Variants in RORA observed in about 807,000 individuals in gnomAD.
RORA encodes the protein RAR related orphan receptor A.
Under a neutral mutation model 69.5 loss-of-function variants are expected in RORA, and 7 were observed. The observed-to-expected ratio is 0.10, with a 90% CI of 0.06 to 0.19. RORA has a LOEUF of 0.19. Ranked by LOEUF, RORA falls within the 10% of genes least tolerant of loss-of-function variation. RORA has a pLI of 1.00. For synonymous variants in RORA, 261 were observed against 240.8 expected, an observed-to-expected ratio of 1.08 and a Z score of -0.78; for missense variants, 457 against 663.0, an observed-to-expected ratio of 0.69 and a Z score of 3.41.
chr15:60,926,438 T>A (rs780407299), intron 1 of RORA, among the ~76,000 whole-genome samples: 1 of 152,224 alleles, frequency 6.6e-6, no homozygotes, highest in Non-Finnish European at 1.5e-5. Context: ...ATTATAGAGT[T>A]ATCCCAGCCC....
chr15:60,969,990 A>C (rs906216271), intron 1 of RORA, among the ~76,000 whole-genome samples: 3 of 152,078 alleles, frequency 2.0e-5, no homozygotes, highest in Admixed American at 6.6e-5. Context: ...ATGTATGTGC[A>C]CTCTTGCACG....
At chr15:60,920,727 C>A (rs1892017083) in intron 1 of RORA, among the ~76,000 whole-genome samples, 1 of 152,214 alleles carries the variant, frequency 6.6e-6, no homozygotes, top group South Asian at 2.1e-4. Flanking sequence ...TCTTCAGGTA[C>A]ACCAAATGTG....
chr15:60,554,549 TAC>T (rs1038652742), intron 2 of RORA, among the ~76,000 whole-genome samples: 2 of 152,190 alleles, frequency 1.3e-5, no homozygotes, highest in African/African-American at 4.8e-5. Context: ...CTTATTTAAA[TAC>T]CAAAGCCAGC....
chr15:60,615,158 A>C, intron 2 of RORA: 1 of 1,147,718 alleles, frequency 8.7e-7, no homozygotes, highest in Non-Finnish European at 1.2e-6. Flanking sequence ...TCCTCATCTT[A>C]GTGCTAGTGC....
At chr15:61,146,594 A>AGC (rs1875092246) in intron 1 of RORA, among the ~76,000 whole-genome samples, 1 of 152,192 alleles carries the variant, frequency 6.6e-6, no homozygotes, top group South Asian at 2.1e-4. Flanking sequence ...TCACTAGATA[A>AGC]TGCACTCTGC....
chr15:61,164,609 C>T (rs2079525513), intron 1 of RORA, among the ~76,000 whole-genome samples: 1 of 152,106 alleles, frequency 6.6e-6, no homozygotes. Flanking sequence ...TGAACTTGCT[C>T]CAGCAAAGCC....
intron 2 of RORA, among the ~76,000 whole-genome samples, chr15:60,561,656 T>C (rs2075112187): frequency 6.6e-6 from 1 of 152,064 alleles, no homozygotes; most frequent in African/African-American, 2.4e-5. Flanking sequence ...TACATTTTGT[T>C]AAAGGGTCAA....
chr15:61,014,074 C>T (rs1439816936), intron 1 of RORA, among the ~76,000 whole-genome samples: 1 of 152,154 alleles, frequency 6.6e-6, no homozygotes, highest in South Asian at 2.1e-4. Context: ...TGAGCCACCG[C>T]ACCCGGCCGG....
At chr15:61,197,540 G>T (rs1018014827) in intron 1 of RORA, among the ~76,000 whole-genome samples, 1 of 152,144 alleles carries the variant, frequency 6.6e-6, no homozygotes, top group Non-Finnish European at 1.5e-5. Context: ...TTCTCCCTCT[G>T]GTTTCATTGG....
At chr15:61,048,870 A>C (rs1566963429) in intron 1 of RORA, among the ~76,000 whole-genome samples, 1 of 152,184 alleles carries the variant, frequency 6.6e-6, no homozygotes, top group Admixed American at 6.5e-5. Context: ...GACACAGTCA[A>C]GGATCATCCT....
intron 1 of RORA, among the ~76,000 whole-genome samples, chr15:61,161,812 A>G (rs144320142): frequency 1.3e-5 from 2 of 152,294 alleles, no homozygotes; most frequent in Admixed American, 1.3e-4. Flanking sequence ...CCCCCCGTGA[A>G]GGCCACTTAA....
At position 61,215,031 on chromosome 15, in the gene RORA, A is replaced by AGTTTTTTTT. The variant is rs1491564825; in HGVS notation, c.166+14021_166+14022insAAAAAAAAC. Among the ~76,000 whole-genome samples the AGTTTTTTTT allele has an allele frequency of 2.5e-5, 2 of 80,626 alleles. 1 individual carries two copies. Among genetic ancestry groups the AGTTTTTTTT allele is most frequent in the Non-Finnish European group, 4.6e-5 (2 of 43,790 alleles). 52.9% of individuals were successfully genotyped at this position (80,626 alleles called of 152,430 possible). A position where few individuals can be genotyped will look rare whatever the true frequency, so the allele number is the denominator to read the frequency against. On this transcript the variant is annotated intron_variant, in intron 1 of 10. Coordinates refer to ENST00000335670, the MANE Select transcript of RORA (RefSeq NM_134261.3). Reference sequence around the variant, plus strand: ...AGGCGCCCGCCACCACGCCCAGCTAATTTTTTTTTTTTTTTTTTTTTTTTT... The same window carrying AGTTTTTTTT: ...AGGCGCCCGCCACCACGCCCAGCTAAGTTTTTTTTTTTTTTTTTTTTTTTTTTTTTTTTT...
At chr15:60,901,264 T>A (rs1315000031) in intron 1 of RORA, among the ~76,000 whole-genome samples, 2 of 152,074 alleles carry the variant, frequency 1.3e-5, no homozygotes, top group African/African-American at 4.8e-5. Context: ...CACTCCCTCC[T>A]GGGTTCAAGC....
intron 3 of RORA, chr15:60,520,165 C>G (rs541151754): frequency 4.6e-5 from 7 of 152,100 alleles, no homozygotes; most frequent in Non-Finnish European, 1.0e-4. Context: ...AGTGGCATAG[C>G]TAAGAACCAG....
At chr15:60,570,835 G>A (rs2067858999) in intron 2 of RORA, among the ~76,000 whole-genome samples, 2 of 152,174 alleles carry the variant, frequency 1.3e-5, no homozygotes, top group African/African-American at 4.8e-5. Context: ...TGCTAAGTGT[G>A]TGATGCTGGG....
At chr15:60,816,180 GTATTTA>G (rs1306722209) in intron 1 of RORA, among the ~76,000 whole-genome samples, 3 of 44,264 alleles carry the variant, frequency 6.8e-5, no homozygotes, top group Non-Finnish European at 1.2e-4. Flanking sequence ...AACAGTATAT[GTATTTA>G]TATACTGTAA....
At chr15:60,879,531 C>T (rs2073655820) in intron 1 of RORA, among the ~76,000 whole-genome samples, 1 of 152,148 alleles carries the variant, frequency 6.6e-6, no homozygotes, top group South Asian at 2.1e-4. Context: ...CTCTAAACAT[C>T]TAATTAAATG....
At chr15:61,160,576 T>C (rs981712225) in intron 1 of RORA, among the ~76,000 whole-genome samples, 10 of 152,218 alleles carry the variant, frequency 6.6e-5, no homozygotes, top group African/African-American at 2.4e-4. Context: ...TTGCTGAGAA[T>C]GCCATGAGAA....
chr15:60,629,865 T>G (rs1218039122), intron 2 of RORA, among the ~76,000 whole-genome samples: 1 of 152,198 alleles, frequency 6.6e-6, no homozygotes, highest in African/African-American at 2.4e-5. Flanking sequence ...TAGGAGCGTC[T>G]ACATAAATCA....
Sources: allele counts gnomAD v4.1 joint callset (sites outside exome capture counted in the v4.1 genomes callset), GRCh38; gene constraint gnomAD v4.1.1; transcripts MANE v1.5; gene names NCBI Gene and HGNC (gene_info 2026-07-23, HGNC 2026-07-21).